The following AMPH variants were observed in gnomAD, a reference collection of about 807,000 sequenced individuals.
The protein encoded by AMPH is amphiphysin (Stiff-Mann syndrome with breast cancer 128kD autoantigen).
Under a neutral mutation model 99.1 loss-of-function variants are expected in AMPH, and 49 were observed. That is an observed-to-expected ratio of 0.49 (90% CI 0.39 to 0.63). The LOEUF (loss-of-function observed/expected upper bound fraction) is 0.63, where lower values mean the gene tolerates loss of function less well. Among genes scored for constraint, AMPH ranks in the 20% least tolerant of loss-of-function variants. The probability of loss-of-function intolerance (pLI) is 0.00; values close to 1 mark genes in which losing one functional copy is unlikely to be tolerated. For missense variants in AMPH, 759 were observed against 863.4 expected, an observed-to-expected ratio of 0.88 and a Z score of 1.52; for synonymous variants, 314 against 317.3, an observed-to-expected ratio of 0.99 and a Z score of 0.11.
chr7:38,492,188 T>C (rs1788744201), intron 4 of AMPH, among the ~76,000 whole-genome samples: 1 of 152,228 alleles, frequency 6.6e-6, no homozygotes, highest in Non-Finnish European at 1.5e-5. Context: ...CCCAGACTCC[T>C]TTGCAACCAG....
chr7:38,574,631 A>G (rs944365477), intron 1 of AMPH, among the ~76,000 whole-genome samples: 5 of 152,236 alleles, frequency 3.3e-5, no homozygotes, highest in African/African-American at 1.2e-4. Flanking sequence ...TTAGGGATAA[A>G]TAAAAGAATA....
chr7:38,433,567 T>C (rs1475964663), intron 12 of AMPH, among the ~76,000 whole-genome samples: 2 of 144,386 alleles, frequency 1.4e-5, no homozygotes, highest in African/African-American at 2.6e-5. Flanking sequence ...CTACTAAAAA[T>C]ACAAAAAATT....
chr7:38,603,336 T>TAAAA (rs1793321714), intron 1 of AMPH, among the ~76,000 whole-genome samples: 4 of 134,922 alleles, frequency 3.0e-5, no homozygotes, highest in African/African-American at 1.1e-4. Context: ...AAAAAAAAAT[T>TAAAA]ATGCCAAAAT....
chr7:38,437,639 A>AAAAAAAAAAAAAAAAAAAGAAAAG (rs765494380), intron 11 of AMPH, among the ~76,000 whole-genome samples: 32 of 96,720 alleles, frequency 3.3e-4, no homozygotes, highest in East Asian at 1.7e-3. Context: ...AAAAAAAAAA[A>AAAAAAAAAAAAAAAAAAAGAAAAG]AAAAGAAAAG....
intron 17 of AMPH, among the ~76,000 whole-genome samples, chr7:38,414,551 C>T (rs1190354210): frequency 6.6e-6 from 1 of 152,154 alleles, no homozygotes; most frequent in Non-Finnish European, 1.5e-5. Flanking sequence ...GGGTAAAAAT[C>T]TAACCATAAT....
At chr7:38,385,904 T>C (rs1160772260) in intron 20 of AMPH, among the ~76,000 whole-genome samples, 1 of 152,154 alleles carries the variant, frequency 6.6e-6, no homozygotes, top group Non-Finnish European at 1.5e-5. Context: ...ATCTTTATTA[T>C]GTTAACCAGT....
intron 11 of AMPH, among the ~76,000 whole-genome samples, chr7:38,437,551 G>T (rs1786315637): frequency 6.6e-6 from 1 of 150,676 alleles, no homozygotes; most frequent in East Asian, 2.0e-4. Flanking sequence ...GGAGGCCGAG[G>T]TGGGCAGATC....
At chr7:38,572,768 C>T (rs1792095855) in intron 1 of AMPH, among the ~76,000 whole-genome samples, 1 of 152,162 alleles carries the variant, frequency 6.6e-6, no homozygotes, top group South Asian at 2.1e-4. Flanking sequence ...CAGGACCTCT[C>T]ATTGGCCAAT....
At chr7:38,526,161 G>A (rs1790177147) in intron 2 of AMPH, among the ~76,000 whole-genome samples, 1 of 151,948 alleles carries the variant, frequency 6.6e-6, no homozygotes, top group East Asian at 1.9e-4. Context: ...TTTCTTGTGT[G>A]GTTTTAATTT....
At chr7:38,455,635 A>C (rs1259787648) in intron 11 of AMPH, among the ~76,000 whole-genome samples, 1 of 152,192 alleles carries the variant, frequency 6.6e-6, no homozygotes, top group Non-Finnish European at 1.5e-5. Flanking sequence ...AGGACTCCAC[A>C]TACCCACCAC....
intron 3 of AMPH, among the ~76,000 whole-genome samples, chr7:38,496,866 T>A (rs1219429622): frequency 6.6e-6 from 1 of 151,856 alleles, no homozygotes; most frequent in African/African-American, 2.4e-5. Context: ...TTTTTAACAA[T>A]GTCTTAAGAG....
intron 2 of AMPH, among the ~76,000 whole-genome samples, chr7:38,512,123 T>A (rs1251914609): frequency 6.6e-6 from 1 of 152,186 alleles, no homozygotes; most frequent in Non-Finnish European, 1.5e-5. Context: ...ATGAGATCCC[T>A]AAAAAGACAC....
In AMPH at chr7:38,527,069, C is replaced by G. The variant is rs150589214; in HGVS notation, c.150+7862G>C. Among the ~76,000 whole-genome samples the G allele has an allele frequency of 8.5e-3, 1,300 of 152,290 alleles. 19 individuals carry two copies. Among genetic ancestry groups the G allele is most frequent in the African/African-American group, 0.027 (1,138 of 41,564 alleles). On this transcript the variant is annotated intron_variant, in intron 2 of 20. Transcript: ENST00000356264. ...AAACCTTTGTCAAAAACCAGTTGAGCATATTTGTGTGGGTCTATTTCTTGG... is the reference window on the plus strand; with the variant it reads ...AAACCTTTGTCAAAAACCAGTTGAGGATATTTGTGTGGGTCTATTTCTTGG...
intron 11 of AMPH, among the ~76,000 whole-genome samples, chr7:38,442,305 T>G (rs1786587217): frequency 6.6e-6 from 1 of 152,192 alleles, no homozygotes; most frequent in African/African-American, 2.4e-5. Context: ...GGCTGCCATA[T>G]GCTTACTCAG....
At chr7:38,536,830 A>C (rs1790623855) in intron 1 of AMPH, among the ~76,000 whole-genome samples, 1 of 152,168 alleles carries the variant, frequency 6.6e-6, no homozygotes, top group African/African-American at 2.4e-5. Context: ...GTGGAGCAGA[A>C]TACACTGCAT....
rs1584062211 is a variant in AMPH, at chr7:38,417,872, C to T, written c.1351G>A (p.Asp451Asn). 1 of 1,614,148 alleles carries T rather than the reference C, an allele frequency of 6.2e-7. No individual in the cohort carries two copies. Among genetic ancestry groups the T allele is most frequent in the East Asian group, 2.2e-5 (1 of 44,882 alleles). ...TCAGCCCGAGTGTCCATTCCAAGGT[C>T]CAGACCAACGGCAGGTGTGACAGCA... ...LAAVTPAVGL[D>N]LGMDTRAEEP... Residue 451 changes from aspartate to asparagine, a missense_variant, in exon 17 of 21, where the codon GAC (aspartate) becomes AAC (asparagine). By Grantham distance (23) the Asp-to-Asn change is conservative. Transcript: ENST00000356264.
chr7:38,629,427 G>A (rs1053648882), intron 1 of AMPH, among the ~76,000 whole-genome samples: 7 of 152,152 alleles, frequency 4.6e-5, no homozygotes, highest in Admixed American at 2.6e-4. Flanking sequence ...TCTCACCCCC[G>A]CTCCCATAGA....
intron 1 of AMPH, among the ~76,000 whole-genome samples, chr7:38,557,874 CA>C: frequency 6.6e-6 from 1 of 151,932 alleles, no homozygotes; most frequent in East Asian, 1.9e-4. Flanking sequence ...GGTAACATAG[CA>C]AAACCCAGTC....
chr7:38,624,269 T>TTGCA (rs1794166920), intron 1 of AMPH, among the ~76,000 whole-genome samples: 1 of 151,898 alleles, frequency 6.6e-6, no homozygotes, highest in Admixed American at 6.6e-5. Flanking sequence ...GAAAAAAAAA[T>TTGCA]TGCACCTAAG....
Sources: gnomAD v4.1 joint callset for allele counts (sites outside exome capture counted in the v4.1 genomes callset) on GRCh38, gnomAD v4.1.1 for gene constraint, MANE v1.5 for transcripts, NCBI Gene and HGNC (gene_info 2026-07-23, HGNC 2026-07-21) for gene names.